The following EML4 variants were observed in gnomAD, a reference collection of about 807,000 sequenced individuals.
The protein encoded by EML4 is EMAP like 4, also known as echinoderm microtubule-associated protein-like 4.
In EML4, 72 loss-of-function variants were observed where a neutral mutation model predicts 129.0. The observed-to-expected ratio is 0.56, with a 90% CI of 0.46 to 0.68. The LOEUF (loss-of-function observed/expected upper bound fraction) is 0.68. EML4 is among the 30% of genes least tolerant of loss of function. The pLI is 0.00. For missense variants in EML4, 1,363 were observed against 1,190.6 expected (o/e 1.14, Z -2.13); for synonymous variants, 532 against 405.0 (o/e 1.31, Z -3.77).
chr2:42,287,427 C>T (rs535100021), intron 10 of EML4, among the ~76,000 whole-genome samples: 1 of 152,260 alleles, frequency 6.6e-6, no homozygotes, highest in African/African-American at 2.4e-5. Context: ...TGAATTGCCT[C>T]ATAACTCTAT....
At chr2:42,191,257 A>G (rs1295288982) in intron 1 of EML4, among the ~76,000 whole-genome samples, 3 of 152,130 alleles carry the variant, frequency 2.0e-5, no homozygotes, top group African/African-American at 4.8e-5. Context: ...ATTGAGGGTA[A>G]GTTATACATT....
intron 17 of EML4, among the ~76,000 whole-genome samples, chr2:42,310,579 C>T (rs1266419003): frequency 6.6e-6 from 1 of 152,206 alleles, no homozygotes; most frequent in Non-Finnish European, 1.5e-5. Context: ...CTCCTGACCT[C>T]AAGTGATCTG....
rs772628099 is a variant in EML4, at chr2:42,286,415, A to G, written c.1122+36A>G. The G allele has an allele frequency of 4.0e-6, 5 of 1,262,560 alleles. No individual in the cohort carries two copies. The Admixed American group carries it at 5.0e-5, about 13-fold the overall frequency. 78.2% of individuals were successfully genotyped at this position (1,262,560 alleles called of 1,614,324 possible). On this transcript the variant is annotated intron_variant, in intron 10 of 22. Coordinates refer to ENST00000318522, the MANE Select transcript of EML4 (RefSeq NM_019063.5). ...ATTTTTAGAGAAGTAAGCAAGCTGA[A>G]CAAAAAAGCAGGAAAGAAGTTAAGC...
intron 1 of EML4, among the ~76,000 whole-genome samples, chr2:42,191,165 C>G (rs924949970): frequency 1.3e-5 from 2 of 151,990 alleles, no homozygotes; most frequent in African/African-American, 4.8e-5. Context: ...CCTTTATGTT[C>G]ATTATTTTTT....
At chr2:42,214,252 C>G (rs1373864663) in intron 1 of EML4, among the ~76,000 whole-genome samples, 1 of 152,124 alleles carries the variant, frequency 6.6e-6, no homozygotes, top group Non-Finnish European at 1.5e-5. Flanking sequence ...AGTACATTTA[C>G]TCATATGAAT....
At chr2:42,308,837 T>C (rs2103754034) in intron 17 of EML4, among the ~76,000 whole-genome samples, 1 of 152,280 alleles carries the variant, frequency 6.6e-6, no homozygotes, top group African/African-American at 2.4e-5. Context: ...GAATGAATCA[T>C]ATAACGTGAA....
At chr2:42,281,243 A>G (rs892120260) in intron 7 of EML4, among the ~76,000 whole-genome samples, 9 of 152,086 alleles carry the variant, frequency 5.9e-5, no homozygotes, top group Non-Finnish European at 8.8e-5. Context: ...GATACAAAAA[A>G]TTAGCCAGGT....
chr2:42,169,592 C>G lies in EML4; in HGVS notation c.-20C>G, dbSNP rs1243717392. On this transcript the variant is annotated 5_prime_UTR_variant, in exon 1 of 23. Transcript: ENST00000318522. ...AGTGCCCGCCCCTCTAAGCCCGGAGCCCGGCGCTTTCCCCGCAAGATGGAC... is the reference window on the plus strand; with the variant it reads ...AGTGCCCGCCCCTCTAAGCCCGGAGGCCGGCGCTTTCCCCGCAAGATGGAC... 1.9e-6 allele frequency: 3 copies of G among 1,599,604 alleles called. No homozygotes were observed. Among genetic ancestry groups the G allele is most frequent in the Non-Finnish European group, 2.6e-6 (3 of 1,174,876 alleles).
chr2:42,180,043 C>G (rs144029738), intron 1 of EML4, among the ~76,000 whole-genome samples: 1 of 152,094 alleles, frequency 6.6e-6, no homozygotes, highest in Non-Finnish European at 1.5e-5. Context: ...TGTGGATATT[C>G]TTGGTACTGT....
chr2:42,232,240 A>G (rs1053393433), intron 1 of EML4, among the ~76,000 whole-genome samples: 1 of 152,202 alleles, frequency 6.6e-6, no homozygotes, highest in African/African-American at 2.4e-5. Flanking sequence ...AATGCACTGC[A>G]CAAGTGGGAG....
chr2:42,169,623 C>T lies in EML4; in HGVS notation c.12C>T (p.Phe4=), dbSNP rs1321827535. ...GCTTTCCCCGCAAGATGGACGGTTT[C>T]GCCGGCAGTCTCGGTGAGTACGGCT... MDG[F]AGSLDDSISA... The change falls in exon 1 of 23, where the codon TTC becomes TTT. Residue 4 remains phenylalanine (F), a synonymous_variant. Coordinates refer to ENST00000318522, the MANE Select transcript of EML4 (RefSeq NM_019063.5). 1 of 1,601,778 alleles carries T rather than the reference C, an allele frequency of 6.2e-7. No homozygotes were observed. Among genetic ancestry groups the T allele is most frequent in the South Asian group, 1.1e-5 (1 of 90,166 alleles).
chr2:42,190,406 T>G (rs1012002526), intron 1 of EML4, among the ~76,000 whole-genome samples: 2 of 152,094 alleles, frequency 1.3e-5, no homozygotes, highest in African/African-American at 4.8e-5. Flanking sequence ...TTGAGGGGCC[T>G]ATGGATGTGC....
intron 1 of EML4, among the ~76,000 whole-genome samples, chr2:42,211,496 G>A (rs1465974168): frequency 6.6e-6 from 1 of 152,230 alleles, no homozygotes; most frequent in African/African-American, 2.4e-5. Context: ...ATAAACTGGA[G>A]TAGTCGGAAA....
rs58257751 is a variant in EML4, at chr2:42,331,382, A to G, written c.*1175A>G. 4.9e-3 allele frequency: 1,110 copies of G among 225,166 alleles called. 23 individuals are homozygous for G. The East Asian group carries it at 0.054, about 11-fold the overall frequency. 13.9% of individuals were successfully genotyped at this position (225,166 alleles called of 1,614,324 possible). A position where few individuals can be genotyped will look rare whatever the true frequency, so the allele number is the denominator to read the frequency against. ...TGTGGCTATCCTACTCTTTTGGGCA[A>G]TGCATGTATTATGCATTGGAAAGGT... On this transcript the variant is annotated 3_prime_UTR_variant, in exon 23 of 23. Coordinates refer to ENST00000318522, the MANE Select transcript of EML4 (RefSeq NM_019063.5).
intron 1 of EML4, among the ~76,000 whole-genome samples, chr2:42,208,915 G>C (rs6750793): frequency 6.6e-6 from 1 of 151,654 alleles, no homozygotes; most frequent in Non-Finnish European, 1.5e-5. Flanking sequence ...AGTCACTTCA[G>C]AAGTCCCTAT....
At chr2:42,201,560 T>G in intron 1 of EML4, among the ~76,000 whole-genome samples, 1 of 152,202 alleles carries the variant, frequency 6.6e-6, no homozygotes, top group Non-Finnish European at 1.5e-5. Context: ...TCATGTTCAT[T>G]GGAGCATTTT....
intron 1 of EML4, among the ~76,000 whole-genome samples, chr2:42,205,506 C>T (rs373266679): frequency 6.6e-6 from 1 of 151,024 alleles, no homozygotes; most frequent in African/African-American, 2.4e-5. Context: ...AGTCAGCTTC[C>T]CTGGCTTACC....
At chr2:42,242,979 C>T (rs190714647) in intron 1 of EML4, among the ~76,000 whole-genome samples, 4 of 152,146 alleles carry the variant, frequency 2.6e-5, no homozygotes, top group Non-Finnish European at 4.4e-5. Flanking sequence ...GTTCTCACTA[C>T]GTTGCCCAGG....
intron 17 of EML4, among the ~76,000 whole-genome samples, chr2:42,311,925 G>T (rs1049370511): frequency 5.3e-5 from 8 of 152,048 alleles, no homozygotes; most frequent in African/African-American, 1.9e-4. Flanking sequence ...GACCAGTCTG[G>T]TTTTGAATTC....
Sources: gnomAD v4.1 joint callset for allele counts (sites outside exome capture counted in the v4.1 genomes callset) on GRCh38, gnomAD v4.1.1 for gene constraint, MANE v1.5 for transcripts, NCBI Gene and HGNC (gene_info 2026-07-23, HGNC 2026-07-21) for gene names.